CCDC34: variants seen among roughly 807,000 people sequenced by gnomAD.
The protein encoded by CCDC34 is coiled-coil domain containing 34, also known as coiled-coil domain-containing protein 34.
In CCDC34, 40 loss-of-function variants were observed where a neutral mutation model predicts 44.1. The observed-to-expected ratio is 0.91, with a 90% CI of 0.70 to 1.18. The LOEUF (loss-of-function observed/expected upper bound fraction) is 1.18. Ranked by LOEUF, CCDC34 falls within the 50% of genes most tolerant of loss-of-function variation. The pLI, the probability that CCDC34 is intolerant of heterozygous loss-of-function variation, is 0.00. For missense variants in CCDC34, 466 were observed against 452.3 expected (o/e 1.03, Z -0.28); for synonymous variants, 159 against 158.2 (o/e 1.01, Z -0.04).
chr11:27,344,540 A>G (rs1862407791), intron 3 of CCDC34, among the ~76,000 whole-genome samples: 1 of 151,366 alleles, frequency 6.6e-6, no homozygotes, highest in South Asian at 2.1e-4. Context: ...CATACGTGTA[A>G]ATATATAAAA....
In CCDC34 at chr11:27,338,749, G is replaced by A. The variant is rs1862313854; in HGVS notation, c.*72C>T. 4 of 1,235,762 alleles carry A rather than the reference G, an allele frequency of 3.2e-6. No individual in the cohort carries two copies. Among genetic ancestry groups the A allele is most frequent in the Non-Finnish European group, 4.7e-6 (4 of 851,616 alleles). 76.5% of individuals were successfully genotyped at this position (1,235,762 alleles called of 1,614,324 possible). ...CACATTAAGTGTTGAGTTATTGACTGAGCAGTAAAAAACAATTTCTGATTT... is the reference window on the plus strand; with the variant it reads ...CACATTAAGTGTTGAGTTATTGACTAAGCAGTAAAAAACAATTTCTGATTT... On this transcript the variant is annotated 3_prime_UTR_variant, in exon 6 of 6. Transcript: ENST00000328697.
At chr11:27,350,624 T>C (rs1862494488) in intron 2 of CCDC34, among the ~76,000 whole-genome samples, 185 bp from the exon 3 acceptor site, 1 of 152,226 alleles carries the variant, frequency 6.6e-6, no homozygotes, top group African/African-American at 2.4e-5. Flanking sequence ...TTGGTAAAAG[T>C]ATAAGTCATT....
rs759623283 is a variant in CCDC34, at chr11:27,341,517, C to G, written c.640G>C (p.Glu214Gln). The change falls in exon 4 of 6, where the codon GAA becomes CAA. Residue 214 changes from glutamate (E) to glutamine (Q), a missense_variant. Coordinates refer to ENST00000328697, the MANE Select transcript of CCDC34 (RefSeq NM_030771.2). ...RKEREQKINKEMEEKAAKELE... is the reference protein window; with the variant it reads ...RKEREQKINKQMEEKAAKELE... ...TCCTTTGCTGCTTTTTCCTCCATTT[C>G]TTTATTAATTTTTTGTTCTCTTTCT... The G allele has an allele frequency of 7.4e-7, 1 of 1,347,086 alleles. No individual in the cohort carries two copies. 83.4% of individuals were successfully genotyped at this position (1,347,086 alleles called of 1,614,324 possible).
At chr11:27,348,981 T>G in intron 3 of CCDC34, 2 of 984,276 alleles carry the variant, frequency 2.0e-6, no homozygotes, top group Non-Finnish European at 2.4e-6. Flanking sequence ...AAGAAATAAT[T>G]TTTTTTTTCT....
At chr11:27,349,320 A>G (rs1862474239) in intron 3 of CCDC34, 2 of 906,468 alleles carry the variant, frequency 2.2e-6, no homozygotes, top group Middle Eastern at 5.6e-4. Context: ...TTTTAAAAAA[A>G]CAAAGTAATT....
chr11:27,345,539 G>C (rs1227418819), intron 3 of CCDC34, among the ~76,000 whole-genome samples: 1 of 152,006 alleles, frequency 6.6e-6, no homozygotes, highest in East Asian at 1.9e-4. Context: ...TGCGATGTTT[G>C]GTTTTTTGTC....
chr11:27,349,537 T>C (rs1862476467), intron 3 of CCDC34: 2 of 943,646 alleles, frequency 2.1e-6, no homozygotes, highest in Non-Finnish European at 1.3e-6. Flanking sequence ...TAAACATTTT[T>C]CCACATTTGT....
chr11:27,341,490 G>A lies in CCDC34; in HGVS notation c.667C>T (p.Leu223=). The change falls in exon 4 of 6, where the codon CTG becomes TTG. Residue 223 remains leucine, a synonymous_variant. Coordinates refer to ENST00000328697, the MANE Select transcript of CCDC34 (RefSeq NM_030771.2). ...KEMEEKAAKE[L]EKEYLQEKAK... is the part of the protein sequence containing the mutation. The stretch of plus-strand genomic sequence containing the variant: ...TTTTCTTGCAAGTATTCTTTCTCCA[G>A]TTCCTTTGCTGCTTTTTCCTCCATT... 7.1e-7 allele frequency: 1 copy of A among 1,417,546 alleles called. No homozygotes were observed. Among genetic ancestry groups the A allele is most frequent in the Non-Finnish European group, 9.5e-7 (1 of 1,049,820 alleles). The allele number at this position is 1,417,546 out of a possible 1,614,324, so 87.8% of individuals were successfully genotyped here.
intron 2 of CCDC34, among the ~76,000 whole-genome samples, chr11:27,350,948 T>A (rs80160019): frequency 0.018 from 2,816 of 152,370 alleles, 41 homozygotes; most frequent in Middle Eastern, 0.048. Flanking sequence ...TTTTCTTCAC[T>A]GGTTTTATAG....
At chr11:27,341,298 TG>T in intron 4 of CCDC34, 93 bp downstream of exon 4, 1 of 735,912 alleles carries the variant, frequency 1.4e-6, no homozygotes, top group Non-Finnish European at 2.1e-6. Context: ...GCTAAGATAG[TG>T]CCAATTTTCT....
At chr11:27,357,273 T>C (rs1319402087) in intron 2 of CCDC34, 130 bp downstream of exon 2, 11 of 779,630 alleles carry the variant, frequency 1.4e-5, no homozygotes, top group Admixed American at 3.0e-5. Flanking sequence ...TTATTAAATT[T>C]GATATAGTAA....
In CCDC34 at chr11:27,341,502, C is replaced by T. The variant is rs1470770654; in HGVS notation, c.655G>A (p.Ala219Thr). 4.3e-6 allele frequency: 6 copies of T among 1,382,770 alleles called. No homozygotes were observed. The highest frequency in any genetic ancestry group is 1.5e-5 in the South Asian group (1 of 65,346). The allele number at this position is 1,382,770 out of a possible 1,614,324, so 85.7% of individuals were successfully genotyped here. ...TATTCTTTCTCCAGTTCCTTTGCTG[C>T]TTTTTCCTCCATTTCTTTATTAATT... is the stretch of plus-strand genomic sequence containing the variant. ...QKINKEMEEK[A>T]AKELEKEYLQ... Residue 219 changes from alanine (A) to threonine (T), a missense_variant, in exon 4 of 6, where the codon GCA becomes ACA. Ala to Thr is a moderately conservative substitution (Grantham distance 58). Transcript: ENST00000328697.
Position 27,343,053 on chromosome 11 carries a change from C to T in CCDC34, c.607-1503G>A, listed in dbSNP as rs186073568. On this transcript the variant is annotated intron_variant, in intron 3 of 5. Coordinates refer to ENST00000328697, the MANE Select transcript of CCDC34 (RefSeq NM_030771.2). ...ATTCAATGAAGACTCAACCAACAAA[C>T]ATCAGTTATAGACAAGATATGTCCA... is the stretch of plus-strand genomic sequence containing the variant. 1.3e-4 allele frequency among the ~76,000 whole-genome samples: 20 copies of T among 152,268 alleles called. No individual in the cohort carries two copies. The East Asian group carries it at 3.9e-3, about 29-fold the overall frequency.
In CCDC34 at chr11:27,363,131, A is replaced by C. The variant is rs1450515712; in HGVS notation, c.64T>G (p.Cys22Gly). 4 of 1,549,304 alleles carry C rather than the reference A, an allele frequency of 2.6e-6. No individual in the cohort carries two copies. In the African/African-American group the frequency reaches 5.5e-5, roughly 21 times the overall value. Reference sequence around the variant, plus strand: ...GAGGAGGGCCGAGACCTGGGTCTGCAGTCAGCAGAGAAACCGGCGTAGGAA... The same window carrying C: ...GAGGAGGGCCGAGACCTGGGTCTGCCGTCAGCAGAGAAACCGGCGTAGGAA... ...PSSYAGFSAD[C>G]RPRSRPSSDS... The change falls in exon 1 of 6, where the codon TGC becomes GGC. Residue 22 changes from cysteine to glycine, a missense_variant. Transcript: ENST00000328697.
intron 2 of CCDC34, among the ~76,000 whole-genome samples, chr11:27,355,477 C>A (rs1373639190): frequency 2.0e-5 from 3 of 152,042 alleles, no homozygotes. Flanking sequence ...TTCAAAAATA[C>A]ACCCCAATTC....
intron 3 of CCDC34, 31 bp from the exon 4 acceptor site, chr11:27,341,581 A>G: frequency 2.0e-6 from 2 of 995,214 alleles, no homozygotes; most frequent in Non-Finnish European, 2.8e-6. Flanking sequence ...GTTTAATTGT[A>G]ATACCAGTAA....
At chr11:27,349,162 C>T in intron 3 of CCDC34, 1 of 976,374 alleles carries the variant, frequency 1.0e-6, no homozygotes, top group South Asian at 4.7e-5. Context: ...GCAAACTATT[C>T]TGCATGTGTA....
intron 3 of CCDC34, among the ~76,000 whole-genome samples, chr11:27,346,605 A>C (rs1248976814): frequency 1.3e-5 from 2 of 152,214 alleles, no homozygotes; most frequent in African/African-American, 2.4e-5. Flanking sequence ...ATATCTTAAT[A>C]ATAAGCCATA....
At chr11:27,355,796 C>T (rs1295129092) in intron 2 of CCDC34, among the ~76,000 whole-genome samples, 2 of 152,108 alleles carry the variant, frequency 1.3e-5, no homozygotes, top group Non-Finnish European at 2.9e-5. Flanking sequence ...TCTCACAGCG[C>T]ACTTTTCCAG....
Sources: gnomAD v4.1 joint callset for allele counts (sites outside exome capture counted in the v4.1 genomes callset) on GRCh38, gnomAD v4.1.1 for gene constraint, MANE v1.5 for transcripts, NCBI Gene and HGNC (gene_info 2026-07-23, HGNC 2026-07-21) for gene names.